FOXP1: variants seen among roughly 807,000 people sequenced by gnomAD.
The protein encoded by FOXP1 is forkhead box protein P1.
Under a neutral mutation model 98.2 loss-of-function variants are expected in FOXP1, and 15 were observed. The ratio of observed to expected loss-of-function variants is 0.15; its 90% CI spans 0.10 to 0.24. The LOEUF (loss-of-function observed/expected upper bound fraction) is 0.24, where lower values mean the gene tolerates loss of function less well. FOXP1 is among the 10% of genes least tolerant of loss of function. The pLI is 1.00. For missense variants in FOXP1, 633 were observed against 848.5 expected, an observed-to-expected ratio of 0.75 and a Z score of 3.15; for synonymous variants, 371 against 314.5, an observed-to-expected ratio of 1.18 and a Z score of -1.90.
intron 5 of FOXP1, among the ~76,000 whole-genome samples, chr3:71,203,382 A>G (rs1350799591): frequency 1.3e-5 from 2 of 152,332 alleles, no homozygotes; most frequent in East Asian, 1.9e-4. Context: ...TAGCATGCTT[A>G]TTTATTGTTG....
intron 4 of FOXP1, among the ~76,000 whole-genome samples, chr3:71,324,623 G>A (rs1170879366): frequency 1.3e-5 from 2 of 151,938 alleles, no homozygotes; most frequent in Non-Finnish European, 2.9e-5. Context: ...TCGTGGGGTG[G>A]GGGGAGTGGG....
chr3:71,406,874 GGTGA>G (rs541410794), intron 3 of FOXP1, among the ~76,000 whole-genome samples: 49 of 152,140 alleles, frequency 3.2e-4, no homozygotes, highest in Admixed American at 5.2e-4. Flanking sequence ...ACAGTTTTAT[GGTGA>G]GTATTTTACC....
intron 20 of FOXP1, among the ~76,000 whole-genome samples, chr3:70,962,611 A>G (rs538278863): frequency 6.6e-6 from 1 of 152,346 alleles, no homozygotes; most frequent in African/African-American, 2.4e-5. Flanking sequence ...GAGAACTGCA[A>G]CTTCATAAAT....
intron 7 of FOXP1, among the ~76,000 whole-genome samples, chr3:71,109,918 T>C (rs2057772115): frequency 1.3e-5 from 2 of 152,114 alleles, no homozygotes; most frequent in Non-Finnish European, 2.9e-5. Flanking sequence ...CTGGTCTAAA[T>C]TCTCTGCTTG....
In FOXP1 at chr3:71,014,920, A is replaced by G. The variant is rs150341790; in HGVS notation, c.974+629T>C. Among the ~76,000 whole-genome samples the G allele has an allele frequency of 5.7e-3, 872 of 151,840 alleles. 10 individuals carry two copies. The highest frequency in any genetic ancestry group is 0.019 in the African/African-American group (799 of 41,380). ...AAAACCAAACACCGCATGTTCTCAC[A>G]CATAGGTGGGAATTGAACGATGAGA... On this transcript the variant is annotated intron_variant, in intron 12 of 20. Transcript: ENST00000649528.
chr3:71,047,983 C>G (rs2049266695), intron 9 of FOXP1, among the ~76,000 whole-genome samples: 1 of 152,124 alleles, frequency 6.6e-6, no homozygotes, highest in Non-Finnish European at 1.5e-5. Context: ...CAGTAATTAT[C>G]TGAGTGATAG....
chr3:71,422,244 G>T (rs2083713202), intron 3 of FOXP1, among the ~76,000 whole-genome samples: 1 of 152,190 alleles, frequency 6.6e-6, no homozygotes, highest in African/African-American at 2.4e-5. Context: ...GCATGCAACA[G>T]CATCAGCATA....
chr3:71,109,754 G>A (rs1347769594), intron 7 of FOXP1, among the ~76,000 whole-genome samples: 1 of 152,112 alleles, frequency 6.6e-6, no homozygotes, highest in Non-Finnish European at 1.5e-5. Context: ...TTTCTCCTCT[G>A]TTTGTGGAAG....
chr3:71,333,989 G>A (rs1357962306), intron 4 of FOXP1: 6 of 151,326 alleles, frequency 4.0e-5, no homozygotes, highest in African/African-American at 7.3e-5. Flanking sequence ...AACAAATAAC[G>A]CTTTAAAAAA....
At chr3:71,150,984 G>C (rs575183502) in intron 6 of FOXP1, among the ~76,000 whole-genome samples, 1 of 152,180 alleles carries the variant, frequency 6.6e-6, no homozygotes, top group Non-Finnish European at 1.5e-5. Context: ...GCATATGGGG[G>C]TCAAGAGTAG....
intron 3 of FOXP1, among the ~76,000 whole-genome samples, chr3:71,470,972 G>C (rs2089287425): frequency 6.6e-6 from 1 of 152,208 alleles, no homozygotes; most frequent in African/African-American, 2.4e-5. Context: ...GGAGCAGTTA[G>C]AGAGTGACCA....
At chr3:70,997,873 C>A (rs1401109920) in intron 13 of FOXP1, among the ~76,000 whole-genome samples, 3 of 152,138 alleles carry the variant, frequency 2.0e-5, no homozygotes, top group Non-Finnish European at 2.9e-5. Flanking sequence ...GAATGGATGT[C>A]TGGGTGGATG....
intron 6 of FOXP1, among the ~76,000 whole-genome samples, chr3:71,144,064 G>A (rs750553884): frequency 2.6e-5 from 4 of 152,046 alleles, no homozygotes; most frequent in Admixed American, 1.3e-4. Flanking sequence ...AAGTATACAA[G>A]TCTTAAAACT....
chr3:70,999,052 C>T (rs1255543686), intron 13 of FOXP1, among the ~76,000 whole-genome samples: 1 of 152,136 alleles, frequency 6.6e-6, no homozygotes, highest in Non-Finnish European at 1.5e-5. Context: ...TTTATAAGTA[C>T]CACCAATATG....
At chr3:71,147,435 C>T (rs1356789614) in intron 6 of FOXP1, among the ~76,000 whole-genome samples, 2 of 152,170 alleles carry the variant, frequency 1.3e-5, no homozygotes, top group Non-Finnish European at 2.9e-5. Flanking sequence ...CAGGGCTGTT[C>T]TTCCGCCATA....
intron 3 of FOXP1, among the ~76,000 whole-genome samples, chr3:71,436,728 G>C (rs1170550203): frequency 6.6e-6 from 1 of 152,098 alleles, no homozygotes; most frequent in South Asian, 2.1e-4. Context: ...CGAGAATGAT[G>C]ATGAGAATAC....
intron 2 of FOXP1, among the ~76,000 whole-genome samples, chr3:71,551,319 T>C (rs1445853091): frequency 6.6e-6 from 1 of 152,252 alleles, no homozygotes; most frequent in Non-Finnish European, 1.5e-5. Flanking sequence ...ATATTTCTAC[T>C]TGTTGATTCT....
At chr3:71,070,753 T>C (rs942287816) in intron 7 of FOXP1, among the ~76,000 whole-genome samples, 2 of 152,216 alleles carry the variant, frequency 1.3e-5, no homozygotes, top group Admixed American at 6.5e-5. Flanking sequence ...GTGCAACTCC[T>C]GTCAGTGTCA....
At chr3:71,099,610 C>T (rs2056784284) in intron 7 of FOXP1, among the ~76,000 whole-genome samples, 1 of 152,166 alleles carries the variant, frequency 6.6e-6, no homozygotes, top group Non-Finnish European at 1.5e-5. Context: ...TCACAACTGC[C>T]TTAGGTAGGT....
Sources: allele counts gnomAD v4.1 joint callset (sites outside exome capture counted in the v4.1 genomes callset), GRCh38; gene constraint gnomAD v4.1.1; transcripts MANE v1.5; gene names NCBI Gene and HGNC (gene_info 2026-07-23, HGNC 2026-07-21).